Variants in P2RX7 observed in about 807,000 individuals in gnomAD.
P2RX7 encodes the protein P2X purinoceptor 7.
In P2RX7, 62 loss-of-function variants were observed where a neutral mutation model predicts 71.6. That is an observed-to-expected ratio of 0.87 (90% confidence interval 0.71 to 1.07). The LOEUF is 1.07. Ranked by LOEUF, P2RX7 falls within the 50% of genes least tolerant of loss-of-function variation. The pLI, the probability that P2RX7 is intolerant of heterozygous loss-of-function variation, is 0.00. For missense variants in P2RX7, 686 were observed against 748.5 expected, an observed-to-expected ratio of 0.92 and a Z score of 0.97; for synonymous variants, 299 against 283.3, an observed-to-expected ratio of 1.06 and a Z score of -0.56.
chr12:121,155,797 A>AAAAAAC lies in P2RX7; in HGVS notation c.295-262_295-257dup, dbSNP rs912051111. 5.3e-5 allele frequency among the ~76,000 whole-genome samples: 8 copies of AAAAAAC among 150,928 alleles called. 1 individual carries two copies. The highest frequency in any genetic ancestry group is 3.8e-4 in the East Asian group (2 of 5,204). On this transcript the variant is annotated intron_variant, in intron 2 of 12. Coordinates refer to ENST00000328963, the MANE Select transcript of P2RX7 (RefSeq NM_002562.6). ...TTAATGAGATTTTTACTGCGTAAAAAAAAAACAAAAACAAAAACAAAAACA... is the reference window on the plus strand; with the variant it reads ...TTAATGAGATTTTTACTGCGTAAAAAAAAAACAAAAACAAAAACAAAAACAAAAACA...
At chr12:121,146,287 CTTTTTTTTTTTTTT>C (rs35415599) in intron 1 of P2RX7, among the ~76,000 whole-genome samples, 13 of 80,486 alleles carry the variant, frequency 1.6e-4, no homozygotes, top group African/African-American at 2.1e-4. Flanking sequence ...TCAAGCCTCT[CTTTTTTTTTTTTTT>C]TTTTTTTTTT....
rs200169811 is a variant in P2RX7 at position 121,177,176 on chromosome 12, T to C, written c.1002T>C (p.Val334=). 2 of 1,614,152 alleles carry C rather than the reference T, an allele frequency of 1.2e-6. No individual in the cohort carries two copies. The highest frequency in any genetic ancestry group is 1.7e-6 in the Non-Finnish European group (2 of 1,180,004). ...TGGKFDIIQL[V]VYIGSTLSYF... is the part of the protein sequence containing the mutation. Reference sequence around the variant, plus strand: ...GAAAATTTGACATTATCCAGCTGGTTGTGTACATCGGCTCAACCCTCTCCT... The same window carrying C: ...GAAAATTTGACATTATCCAGCTGGTCGTGTACATCGGCTCAACCCTCTCCT... Residue 334 remains valine, a synonymous_variant, in exon 10 of 13, where the codon GTT becomes GTC. Transcript: ENST00000328963.
rs189995216 is a variant in P2RX7, at chr12:121,142,595, G to A, written c.125+9500G>A. Among the ~76,000 whole-genome samples, 10 of 152,210 alleles carry A rather than the reference G, an allele frequency of 6.6e-5. No individual in the cohort carries two copies. In the East Asian group the frequency reaches 1.9e-3, roughly 30 times the overall value. On this transcript the variant is annotated intron_variant, in intron 1 of 12. Transcript: ENST00000328963. The stretch of plus-strand genomic sequence containing the variant: ...GGGCTCAAGTGATCCTCCTGCGTTG[G>A]CCTCCCAAAGTGCTGGGATTACAGG...
intron 8 of P2RX7, among the ~76,000 whole-genome samples, chr12:121,170,545 C>G (rs1029002472): frequency 3.9e-5 from 6 of 152,138 alleles, no homozygotes; most frequent in Non-Finnish European, 8.8e-5. Flanking sequence ...GAGGCCGAAG[C>G]AGGAGGATCA....
chr12:121,165,328 A>C, intron 5 of P2RX7, 29 bp from the exon 6 acceptor site: 84 of 1,547,810 alleles, frequency 5.4e-5, no homozygotes, highest in Middle Eastern at 1.7e-4. Context: ...CCCCGTCACT[A>C]ATGGCCATTT....
Position 121,155,444 on chromosome 12 carries a change from G to A in P2RX7, c.294+491G>A, listed in dbSNP as rs538801022. On this transcript the variant is annotated intron_variant, in intron 2 of 12. Coordinates refer to ENST00000328963, the MANE Select transcript of P2RX7 (RefSeq NM_002562.6). ...AAGGCATCGGTCACTGAGAGAAGGC[G>A]TGTGACTTCTAGATTTGCAAGCAGG... 2.5e-5 allele frequency: 30 copies of A among 1,188,938 alleles called. No individual in the cohort carries two copies. The Middle Eastern group carries it at 6.6e-4, about 26-fold the overall frequency. 73.6% of individuals were successfully genotyped at this position (1,188,938 alleles called of 1,614,324 possible). A position where few individuals can be genotyped will look rare whatever the true frequency, so the allele number is the denominator to read the frequency against.
chr12:121,178,490 A>G (rs1389480387), intron 11 of P2RX7, among the ~76,000 whole-genome samples: 12 of 152,166 alleles, frequency 7.9e-5, no homozygotes, highest in Non-Finnish European at 4.4e-5. Context: ...AGCCACAGAA[A>G]GGTTAAATAA....
At chr12:121,138,526 G>T (rs986225183) in intron 1 of P2RX7, among the ~76,000 whole-genome samples, 2 of 152,258 alleles carry the variant, frequency 1.3e-5, no homozygotes, top group South Asian at 4.1e-4. Context: ...GGGAGAAGAC[G>T]AGGGAGCCGT....
chr12:121,141,756 T>C (rs925575378), intron 1 of P2RX7, among the ~76,000 whole-genome samples: 11 of 152,200 alleles, frequency 7.2e-5, no homozygotes, highest in Admixed American at 7.2e-4. Flanking sequence ...TGTATTGGCC[T>C]ATTTGATTCT....
chr12:121,177,466 A>G lies in P2RX7; in HGVS notation c.1188+20A>G. On this transcript the variant is annotated intron_variant, in intron 11 of 12. Transcript: ENST00000328963. ...AAGCCGGTGAGGCCGCTGTGTTCACAGGACACCAAGACATGGAGAGATTCC... is the reference window on the plus strand; with the variant it reads ...AAGCCGGTGAGGCCGCTGTGTTCACGGGACACCAAGACATGGAGAGATTCC... 6.2e-7 allele frequency: 1 copy of G among 1,610,338 alleles called. No individual in the cohort carries two copies. The highest frequency in any genetic ancestry group is 2.2e-5 in the East Asian group (1 of 44,876).
At chr12:121,172,469 A>G (rs1472003286) in intron 8 of P2RX7, among the ~76,000 whole-genome samples, 2 of 152,188 alleles carry the variant, frequency 1.3e-5, no homozygotes, top group African/African-American at 4.8e-5. Context: ...ATCTCTATAA[A>G]AAAATTTTAA....
intron 8 of P2RX7, among the ~76,000 whole-genome samples, chr12:121,168,176 A>G (rs555549182): frequency 2.7e-4 from 41 of 152,266 alleles, no homozygotes; most frequent in Non-Finnish European, 4.9e-4. Flanking sequence ...ACAGCCACTC[A>G]AAATTCTTTG....
chr12:121,160,911 C>T lies in P2RX7; in HGVS notation c.373C>T (p.Arg125Cys), dbSNP rs200822907. The T allele has an allele frequency of 7.4e-5, 119 of 1,613,294 alleles. No individual in the cohort carries two copies. The Admixed American group carries it at 1.3e-3, about 18-fold the overall frequency. ...EQRLCPEYPT[R>C]RTLCSSDRGC... is the part of the protein sequence containing the mutation. ...ATCCTTCTATCTGCAGTATCCCACC[C>T]GCAGGACGCTCTGTTCCTCTGACCG... is the stretch of plus-strand genomic sequence containing the variant. Residue 125 changes from arginine (R) to cysteine (C), a missense_variant, in exon 4 of 13, where the codon CGC (arginine) becomes TGC (cysteine). Transcript: ENST00000328963.
intron 8 of P2RX7, among the ~76,000 whole-genome samples, chr12:121,174,229 G>A: frequency 6.6e-6 from 1 of 151,752 alleles, no homozygotes; most frequent in South Asian, 2.1e-4. Flanking sequence ...TGTATTTTTA[G>A]TAGAGATGGG....
chr12:121,168,260 G>GTTTTCTTTTCTTTTC (rs372601410), intron 8 of P2RX7, among the ~76,000 whole-genome samples: 27 of 147,376 alleles, frequency 1.8e-4, no homozygotes, highest in African/African-American at 6.1e-4. Context: ...TTCAGGCAGT[G>GTTTTCTTTTCTTTTC]TTTTCTTTTC....
intron 10 of P2RX7, 36 bp downstream of exon 10, chr12:121,177,248 G>A (rs1416732099): frequency 6.2e-7 from 1 of 1,614,176 alleles, no homozygotes; most frequent in Non-Finnish European, 8.5e-7. Context: ...TAGGAAAATG[G>A]TTTGGAGAAG....
intron 8 of P2RX7, among the ~76,000 whole-genome samples, chr12:121,171,356 T>C (rs1882133053): frequency 7.8e-6 from 1 of 128,124 alleles, no homozygotes; most frequent in South Asian, 2.7e-4. Context: ...ATGTCTTCAA[T>C]CTCTTTTTTT....
In P2RX7 at chr12:121,177,293, C is replaced by T. The variant is rs778937864; in HGVS notation, c.1039-4C>T. 6.2e-7 allele frequency: 1 copy of T among 1,614,102 alleles called. No individual in the cohort carries two copies. The highest frequency in any genetic ancestry group is 8.5e-7 in the Non-Finnish European group (1 of 1,180,028). On this transcript the variant is annotated splice_polypyrimidine_tract_variant and splice_region_variant and intron_variant, in intron 10 of 12. Transcript: ENST00000328963. ...AACGCAGCGCTTGTCTGCATTCTCC[C>T]CAGGCCGCTGTGTTCATCGACTTCC...
At chr12:121,181,295 G>T in intron 12 of P2RX7, among the ~76,000 whole-genome samples, 1 of 152,084 alleles carries the variant, frequency 6.6e-6, no homozygotes, top group African/African-American at 2.4e-5. Context: ...AACTTATTCA[G>T]CCATCCTACT....
Sources: allele counts gnomAD v4.1 joint callset (sites outside exome capture counted in the v4.1 genomes callset), GRCh38; gene constraint gnomAD v4.1.1; transcripts MANE v1.5; gene names NCBI Gene and HGNC (gene_info 2026-07-23, HGNC 2026-07-21).